The following PTPRD variants were observed in gnomAD, a reference collection of about 807,000 sequenced individuals.
PTPRD encodes protein tyrosine phosphatase receptor type D, also known as receptor-type tyrosine-protein phosphatase delta.
PTPRD carries 34 observed loss-of-function variants against 214.5 expected under a neutral mutation model. The ratio of observed to expected loss-of-function variants is 0.16; its 90% CI spans 0.12 to 0.21. PTPRD has a LOEUF of 0.21. Ranked by LOEUF, PTPRD falls within the 10% of genes least tolerant of loss-of-function variation. The probability of loss-of-function intolerance (pLI) is 1.00; values close to 1 mark genes in which losing one functional copy is unlikely to be tolerated. For synonymous variants in PTPRD, 1,128 were observed against 845.7 expected (o/e 1.33, Z -5.79); for missense variants, 2,545 against 2,398.7 (o/e 1.06, Z -1.27).
chr9:9,740,097 C>T (rs1439939699), intron 6 of PTPRD, among the ~76,000 whole-genome samples: 1 of 152,002 alleles, frequency 6.6e-6, no homozygotes, highest in East Asian at 1.9e-4. Flanking sequence ...TTTATGAATG[C>T]TCTATATGTA....
intron 9 of PTPRD, among the ~76,000 whole-genome samples, chr9:9,261,753 A>G (rs2099980215): frequency 6.6e-6 from 1 of 151,724 alleles, no homozygotes; most frequent in Non-Finnish European, 1.5e-5. Flanking sequence ...GAGTAAGATC[A>G]TTGGAAAAGT....
chr9:9,267,825 T>C (rs1359282723), intron 9 of PTPRD, among the ~76,000 whole-genome samples: 1 of 150,982 alleles, frequency 6.6e-6, no homozygotes, highest in Non-Finnish European at 1.5e-5. Context: ...AAATTGAACA[T>C]ATTTTTATGA....
intron 8 of PTPRD, among the ~76,000 whole-genome samples, chr9:9,462,155 TGA>T (rs1377467378): frequency 6.6e-6 from 1 of 152,120 alleles, no homozygotes; most frequent in Non-Finnish European, 1.5e-5. Context: ...TTAAAAAGTA[TGA>T]GTGAGTAGAC....
At chr9:9,339,416 G>A (rs1202300720) in intron 9 of PTPRD, among the ~76,000 whole-genome samples, 2 of 151,946 alleles carry the variant, frequency 1.3e-5, no homozygotes, top group African/African-American at 4.8e-5. Flanking sequence ...AACCTGAGAG[G>A]AGGAGCTTGC....
At chr9:8,696,683 A>G (rs138685589) in intron 12 of PTPRD, among the ~76,000 whole-genome samples, 1 of 152,350 alleles carries the variant, frequency 6.6e-6, no homozygotes, top group East Asian at 1.9e-4. Flanking sequence ...GTGAGCTAAC[A>G]GGGTCTGACA....
intron 8 of PTPRD, among the ~76,000 whole-genome samples, chr9:9,463,516 C>T (rs2093857987): frequency 6.6e-6 from 1 of 152,028 alleles, no homozygotes; most frequent in Admixed American, 6.6e-5. Flanking sequence ...AAAATATAAC[C>T]AGAGTATGTA....
chr9:10,438,911 G>A (rs1297439495), intron 2 of PTPRD, among the ~76,000 whole-genome samples: 2 of 151,584 alleles, frequency 1.3e-5, no homozygotes, highest in Non-Finnish European at 3.0e-5. Flanking sequence ...TATGAGAGAG[G>A]TTCTGTAGAA....
intron 11 of PTPRD, among the ~76,000 whole-genome samples, chr9:8,775,022 G>C (rs568821356): frequency 1.3e-5 from 2 of 152,058 alleles, no homozygotes; most frequent in African/African-American, 2.4e-5. Flanking sequence ...TTGATCGGGC[G>C]CCATGGCCAA....
intron 9 of PTPRD, among the ~76,000 whole-genome samples, chr9:9,381,962 T>C (rs2062433907): frequency 6.6e-6 from 1 of 151,980 alleles, no homozygotes; most frequent in African/African-American, 2.4e-5. Context: ...TATAGATCAC[T>C]ATAGGTAGTA....
At chr9:8,691,672 G>C (rs1339204075) in intron 12 of PTPRD, among the ~76,000 whole-genome samples, 1 of 152,148 alleles carries the variant, frequency 6.6e-6, no homozygotes, top group African/African-American at 2.4e-5. Context: ...ATAGTAACCA[G>C]ATTCCAAGAG....
At chr9:8,415,832 C>G (rs1171183921) in intron 35 of PTPRD, among the ~76,000 whole-genome samples, 3 of 151,284 alleles carry the variant, frequency 2.0e-5, no homozygotes, top group East Asian at 2.0e-4. Flanking sequence ...ACATGGCCAC[C>G]AAGACCACAC....
chr9:9,667,742 T>C (rs188936837), intron 7 of PTPRD, among the ~76,000 whole-genome samples: 43 of 152,176 alleles, frequency 2.8e-4, no homozygotes, highest in Admixed American at 5.9e-4. Context: ...TCTGAATCAT[T>C]TGTGGTGCTT....
At chr9:9,649,069 C>T (rs751797939) in intron 7 of PTPRD, among the ~76,000 whole-genome samples, 2 of 152,042 alleles carry the variant, frequency 1.3e-5, no homozygotes, top group African/African-American at 2.4e-5. Context: ...GGGAATTGGG[C>T]GAGAGTTTGG....
chr9:9,324,628 C>T (rs1968806830), intron 9 of PTPRD, among the ~76,000 whole-genome samples: 2 of 152,168 alleles, frequency 1.3e-5, no homozygotes, highest in African/African-American at 2.4e-5. Flanking sequence ...AAGTTTTCTC[C>T]CATTCTGTAG....
chr9:9,217,747 C>G (rs774719958), intron 9 of PTPRD, among the ~76,000 whole-genome samples: 7 of 152,120 alleles, frequency 4.6e-5, no homozygotes, highest in Non-Finnish European at 1.0e-4. Context: ...TCCATTTCTA[C>G]TCTTTAAAAC....
At chr9:8,910,747 C>A (rs1315255817) in intron 11 of PTPRD, among the ~76,000 whole-genome samples, 1 of 152,058 alleles carries the variant, frequency 6.6e-6, no homozygotes, top group Non-Finnish European at 1.5e-5. Flanking sequence ...AACTAGAAAA[C>A]AAATTTATCA....
chr9:8,370,839 T>C (rs1489421827), intron 39 of PTPRD, among the ~76,000 whole-genome samples: 1 of 152,076 alleles, frequency 6.6e-6, no homozygotes, highest in Non-Finnish European at 1.5e-5. Context: ...ATAATGGCCT[T>C]GCCACCACTA....
At chr9:9,412,410 C>T (rs555831501) in intron 8 of PTPRD, among the ~76,000 whole-genome samples, 9 of 152,290 alleles carry the variant, frequency 5.9e-5, no homozygotes, top group African/African-American at 2.2e-4. Flanking sequence ...ACTGCAGCCA[C>T]TGTGGTTGCC....
intron 11 of PTPRD, among the ~76,000 whole-genome samples, chr9:8,921,480 T>G (rs1305206099): frequency 1.3e-5 from 2 of 151,596 alleles, no homozygotes; most frequent in East Asian, 2.0e-4. Context: ...ATGTATTTTT[T>G]CAAAAGTTTT....
Sources: gnomAD v4.1 joint callset for allele counts (sites outside exome capture counted in the v4.1 genomes callset) on GRCh38, gnomAD v4.1.1 for gene constraint, MANE v1.5 for transcripts, NCBI Gene and HGNC (gene_info 2026-07-23, HGNC 2026-07-21) for gene names.